PTPRD: variants seen among roughly 807,000 people sequenced by gnomAD.
PTPRD encodes the protein protein tyrosine phosphatase receptor type D.
A neutral mutation model predicts 214.5 loss-of-function variants in PTPRD; 34 were observed. The ratio of observed to expected loss-of-function variants is 0.16; its 90% CI spans 0.12 to 0.21. The LOEUF (loss-of-function observed/expected upper bound fraction) is 0.21, where lower values mean the gene tolerates loss of function less well. Ranked by LOEUF, PTPRD falls within the 10% of genes least tolerant of loss-of-function variation. PTPRD has a pLI of 1.00. For missense variants in PTPRD, 2,545 were observed against 2,398.7 expected (o/e 1.06, Z -1.27); for synonymous variants, 1,128 against 845.7 (o/e 1.33, Z -5.79).
At chr9:9,845,573 C>A (rs2059375474) in intron 5 of PTPRD, among the ~76,000 whole-genome samples, 1 of 151,798 alleles carries the variant, frequency 6.6e-6, no homozygotes, top group South Asian at 2.1e-4. Flanking sequence ...GCTAGAGACT[C>A]CAAATCATAG....
intron 11 of PTPRD, among the ~76,000 whole-genome samples, chr9:8,867,568 C>T (rs2098220948): frequency 6.6e-6 from 1 of 152,128 alleles, no homozygotes; most frequent in African/African-American, 2.4e-5. Context: ...TCCTTGCACC[C>T]ACCGTTCTCT....
chr9:8,476,648 A>G (rs1005372315), intron 30 of PTPRD, among the ~76,000 whole-genome samples: 11 of 152,142 alleles, frequency 7.2e-5, no homozygotes, highest in African/African-American at 2.4e-4. Context: ...TTTAATCTAT[A>G]CATTTTCTTA....
Position 8,941,680 on chromosome 9 carries a change from G to C in PTPRD, c.-104+77017C>G, listed in dbSNP as rs547234657. On this transcript the variant is annotated intron_variant, in intron 11 of 45. Coordinates refer to ENST00000381196, the MANE Select transcript of PTPRD (RefSeq NM_002839.4). ...AAAGTTAAAACAACTTTGAGAGAAA[G>C]CTGTCAGTGAGTTAAAGTGGCTGAA... 1.3e-3 allele frequency among the ~76,000 whole-genome samples: 194 copies of C among 152,268 alleles called. 1 individual carries two copies. The highest frequency in any genetic ancestry group is 4.6e-3 in the African/African-American group (190 of 41,544).
intron 14 of PTPRD, among the ~76,000 whole-genome samples, chr9:8,545,918 G>C (rs1006462500): frequency 2.0e-5 from 3 of 152,304 alleles, no homozygotes; most frequent in South Asian, 2.1e-4. Context: ...ACAAACTCTA[G>C]CTAAACGTAG....
intron 2 of PTPRD, among the ~76,000 whole-genome samples, chr9:10,346,521 A>G (rs1446057427): frequency 6.6e-6 from 1 of 152,240 alleles, no homozygotes; most frequent in Non-Finnish European, 1.5e-5. Flanking sequence ...TAGTTTCATA[A>G]GATTATGTTT....
chr9:10,443,085 T>C (rs906288067), intron 2 of PTPRD, among the ~76,000 whole-genome samples: 3 of 150,116 alleles, frequency 2.0e-5, no homozygotes, highest in South Asian at 2.1e-4. Flanking sequence ...ATGTGAGCAA[T>C]TTCAGAAAAA....
rs559588079 is a variant in PTPRD at position 8,437,162 on chromosome 9, C to T, written c.3989-473G>A. ...GAAAGAGTAGTAGCTTGATAGTAAACATAAAATGACTTATGCATAATCAAG... is the reference window on the plus strand; with the variant it reads ...GAAAGAGTAGTAGCTTGATAGTAAATATAAAATGACTTATGCATAATCAAG... On this transcript the variant is annotated intron_variant, in intron 34 of 45. Transcript: ENST00000381196. 4.8e-6 allele frequency: 7 copies of T among 1,449,308 alleles called. No individual in the cohort carries two copies. The Admixed American group carries it at 1.1e-4, about 23-fold the overall frequency. The allele number at this position is 1,449,308 out of a possible 1,614,324, so 89.8% of individuals were successfully genotyped here. A position where few individuals can be genotyped will look rare whatever the true frequency, so the allele number is the denominator to read the frequency against.
intron 3 of PTPRD, among the ~76,000 whole-genome samples, chr9:10,150,697 A>T (rs1179009098): frequency 1.4e-5 from 2 of 147,320 alleles, no homozygotes; most frequent in African/African-American, 2.7e-5. Flanking sequence ...AATAATCTTT[A>T]AAAAAAAAGA....
At chr9:10,365,280 G>A (rs1357465838) in intron 2 of PTPRD, among the ~76,000 whole-genome samples, 1 of 152,096 alleles carries the variant, frequency 6.6e-6, no homozygotes, top group East Asian at 1.9e-4. Flanking sequence ...ATAGATTTAA[G>A]CCCAAACTAC....
At chr9:9,619,998 AAG>A (rs1309796709) in intron 7 of PTPRD, among the ~76,000 whole-genome samples, 2 of 151,774 alleles carry the variant, frequency 1.3e-5, no homozygotes, top group South Asian at 2.1e-4. Context: ...GAAAGAGAGA[AAG>A]AGAGAGAGGT....
At chr9:10,010,335 G>T (rs1349034267) in intron 4 of PTPRD, among the ~76,000 whole-genome samples, 1 of 135,826 alleles carries the variant, frequency 7.4e-6, no homozygotes, top group African/African-American at 2.5e-5. Context: ...GTCTACAATT[G>T]TTCGAACATG....
intron 14 of PTPRD, among the ~76,000 whole-genome samples, chr9:8,560,392 T>C (rs900483225): frequency 2.0e-5 from 3 of 151,494 alleles, no homozygotes; most frequent in Non-Finnish European, 2.9e-5. Flanking sequence ...ACAGGTAATT[T>C]AGACAGAGGC....
chr9:9,326,657 A>T (rs1451248568), intron 9 of PTPRD, among the ~76,000 whole-genome samples: 6 of 151,738 alleles, frequency 4.0e-5, no homozygotes, highest in Admixed American at 6.6e-5. Flanking sequence ...TTTTTTTTTT[A>T]AATGAGCAAG....
intron 4 of PTPRD, among the ~76,000 whole-genome samples, chr9:9,988,839 G>C (rs1003411621): frequency 4.6e-5 from 7 of 151,234 alleles, no homozygotes; most frequent in Non-Finnish European, 8.8e-5. Context: ...CATTATATAA[G>C]GGATATCTTT....
Position 10,522,958 on chromosome 9 carries a change from T to C in PTPRD, c.-600+89440A>G, listed in dbSNP as rs192070123. Among the ~76,000 whole-genome samples the C allele has an allele frequency of 9.9e-5, 15 of 152,140 alleles. No homozygotes were observed. In the East Asian group the frequency reaches 2.7e-3, roughly 28 times the overall value. Reference sequence around the variant, plus strand: ...AATCATAATTTTTATTAATGTTCTGTGAGGGGGTTCATAAATAAGTATATA... The same window carrying C: ...AATCATAATTTTTATTAATGTTCTGCGAGGGGGTTCATAAATAAGTATATA... On this transcript the variant is annotated intron_variant, in intron 2 of 45. Coordinates refer to ENST00000381196, the MANE Select transcript of PTPRD (RefSeq NM_002839.4).
chr9:9,608,123 A>G (rs2094296477), intron 7 of PTPRD, among the ~76,000 whole-genome samples: 1 of 152,140 alleles, frequency 6.6e-6, no homozygotes. Context: ...TATTTGAAAA[A>G]TAGAGGTAAT....
chr9:10,207,148 T>C (rs1197602077), intron 3 of PTPRD, among the ~76,000 whole-genome samples: 1 of 152,146 alleles, frequency 6.6e-6, no homozygotes, highest in East Asian at 1.9e-4. Context: ...TCTTTTATGC[T>C]CCTTCCTGGA....
intron 11 of PTPRD, among the ~76,000 whole-genome samples, chr9:8,953,862 G>T (rs753506960): frequency 6.6e-6 from 1 of 151,920 alleles, no homozygotes; most frequent in Non-Finnish European, 1.5e-5. Flanking sequence ...TATTGGCAAG[G>T]CTGCAAAGAA....
chr9:9,905,758 T>C (rs1337477254), intron 5 of PTPRD, among the ~76,000 whole-genome samples: 1 of 151,420 alleles, frequency 6.6e-6, no homozygotes, highest in Admixed American at 6.6e-5. Context: ...ACTGGACGAG[T>C]AGATAAACAG....
Sources: allele counts gnomAD v4.1 joint callset (sites outside exome capture counted in the v4.1 genomes callset), GRCh38; gene constraint gnomAD v4.1.1; transcripts MANE v1.5; gene names NCBI Gene and HGNC (gene_info 2026-07-23, HGNC 2026-07-21).